Variants in IGF2BP3 observed in about 807,000 individuals in gnomAD.
IGF2BP3 encodes insulin-like growth factor 2 mRNA-binding protein 3.
In IGF2BP3, 9 loss-of-function variants were observed where a neutral mutation model predicts 73.8. That is an observed-to-expected ratio of 0.12 (90% CI 0.07 to 0.21). The LOEUF (loss-of-function observed/expected upper bound fraction) is 0.21, where lower values mean the gene tolerates loss of function less well. Among genes scored for constraint, IGF2BP3 ranks in the 10% least tolerant of loss-of-function variants. The probability of loss-of-function intolerance (pLI) is 1.00; values close to 1 mark genes in which losing one functional copy is unlikely to be tolerated. For missense variants in IGF2BP3, 542 were observed against 714.0 expected, an observed-to-expected ratio of 0.76 and a Z score of 2.75; for synonymous variants, 258 against 256.7, an observed-to-expected ratio of 1.01 and a Z score of -0.05.
chr7:23,447,136 G>C (rs1427177718), intron 2 of IGF2BP3, among the ~76,000 whole-genome samples: 2 of 151,864 alleles, frequency 1.3e-5, no homozygotes, highest in Admixed American at 1.3e-4. Flanking sequence ...GGGAGGCAGA[G>C]GATGCAGTGA....
intron 1 of IGF2BP3, 104 bp from the exon 2 acceptor site, chr7:23,468,646 T>C: frequency 8.5e-7 from 1 of 1,170,984 alleles, no homozygotes; most frequent in Non-Finnish European, 1.3e-6. Context: ...CCTGAGGCCC[T>C]CGAAGGGCCC....
intron 3 of IGF2BP3, among the ~76,000 whole-genome samples, chr7:23,371,670 T>C (rs528802229): frequency 1.3e-5 from 2 of 152,314 alleles, no homozygotes; most frequent in East Asian, 1.9e-4. Flanking sequence ...TTGTAAACCA[T>C]GCTGCATATC....
intron 3 of IGF2BP3, among the ~76,000 whole-genome samples, chr7:23,382,923 A>T (rs1785957833): frequency 6.9e-6 from 1 of 144,310 alleles, no homozygotes; most frequent in African/African-American, 2.5e-5. Context: ...AAAAAAATCA[A>T]TCAGCTAGGT....
chr7:23,373,023 C>G (rs1224631292), intron 3 of IGF2BP3, among the ~76,000 whole-genome samples: 1 of 152,170 alleles, frequency 6.6e-6, no homozygotes, highest in Non-Finnish European at 1.5e-5. Context: ...CCTCATTTCC[C>G]TATGCAATTT....
chr7:23,360,365 A>G (rs1309622560), intron 5 of IGF2BP3, among the ~76,000 whole-genome samples: 1 of 152,196 alleles, frequency 6.6e-6, no homozygotes, highest in African/African-American at 2.4e-5. Context: ...TAACTATAAA[A>G]AATATATTTA....
At chr7:23,454,835 C>A (rs896404283) in intron 2 of IGF2BP3, among the ~76,000 whole-genome samples, 1 of 152,178 alleles carries the variant, frequency 6.6e-6, no homozygotes, top group Non-Finnish European at 1.5e-5. Flanking sequence ...ATGTCTTTAA[C>A]AAAAATCATA....
rs920885144 is a variant in IGF2BP3, at chr7:23,393,732, G to C, written c.285+25044C>G. On this transcript the variant is annotated intron_variant, in intron 3 of 14. Transcript: ENST00000258729. Reference sequence around the variant, plus strand: ...TCTTAAAAGATCATCTAGCCCAAGGGGGGCAATCATGTTCATTTTGCATGC... The same window carrying C: ...TCTTAAAAGATCATCTAGCCCAAGGCGGGCAATCATGTTCATTTTGCATGC... Among the ~76,000 whole-genome samples the C allele has an allele frequency of 3.3e-5, 5 of 152,166 alleles. No individual in the cohort carries two copies. The South Asian group carries it at 8.3e-4, about 25-fold the overall frequency.
intron 2 of IGF2BP3, among the ~76,000 whole-genome samples, chr7:23,436,242 T>A (rs990019928): frequency 6.6e-6 from 1 of 152,196 alleles, no homozygotes; most frequent in African/African-American, 2.4e-5. Flanking sequence ...AGTGAGTTAG[T>A]GTCATGTTTT....
In IGF2BP3 at chr7:23,326,454, T is replaced by G. The variant is rs970417104; in HGVS notation, c.1204-7200A>C. On this transcript the variant is annotated intron_variant, in intron 10 of 14. Coordinates refer to ENST00000258729, the MANE Select transcript of IGF2BP3 (RefSeq NM_006547.3). ...GAGGATGTGGAGAAATAGGAACACT[T>G]TTACACTGTTGGTGGGACTGTAAAC... Among the ~76,000 whole-genome samples, 34 of 151,450 alleles carry G rather than the reference T, an allele frequency of 2.2e-4. 1 individual carries two copies. Among genetic ancestry groups the G allele is most frequent in the African/African-American group, 6.6e-4 (27 of 41,146 alleles).
Position 23,319,204 on chromosome 7 carries a change from A to G in IGF2BP3, c.1254T>C (p.Gly418=), listed in dbSNP as rs1784070954. ...VHLFIPALSV[G]AIIGKQGQHI... is the part of the protein sequence containing the mutation. ...GCTGGCCCTGCTTGCCGATGATGGCACCGACTGATAGAGCTGGGATAAACA... is the reference window on the plus strand; with the variant it reads ...GCTGGCCCTGCTTGCCGATGATGGCGCCGACTGATAGAGCTGGGATAAACA... The change falls in exon 11 of 15, where the codon GGT becomes GGC. Residue 418 remains glycine (G), a synonymous_variant. Coordinates refer to ENST00000258729, the MANE Select transcript of IGF2BP3 (RefSeq NM_006547.3). The G allele has an allele frequency of 6.2e-7, 1 of 1,613,844 alleles. No homozygotes were observed. Among genetic ancestry groups the G allele is most frequent in the African/African-American group, 1.3e-5 (1 of 74,922 alleles).
intron 12 of IGF2BP3, among the ~76,000 whole-genome samples, chr7:23,315,078 T>G (rs1320628514): frequency 3.3e-5 from 5 of 152,010 alleles, no homozygotes; most frequent in Non-Finnish European, 5.9e-5. Context: ...GTTGGGATTA[T>G]GGGCATGAGC....
intron 11 of IGF2BP3, among the ~76,000 whole-genome samples, chr7:23,318,202 G>C (rs1784044026): frequency 6.6e-6 from 1 of 152,074 alleles, no homozygotes; most frequent in African/African-American, 2.4e-5. Flanking sequence ...TGTACCCTAA[G>C]TTTCAAGGAT....
At chr7:23,316,087 C>G (rs1489603785) in intron 12 of IGF2BP3, among the ~76,000 whole-genome samples, 1 of 152,164 alleles carries the variant, frequency 6.6e-6, no homozygotes, top group African/African-American at 2.4e-5. Flanking sequence ...GGATAGGAAG[C>G]AGTTTTCAAC....
At chr7:23,452,210 T>C (rs192791578) in intron 2 of IGF2BP3, among the ~76,000 whole-genome samples, 4 of 151,972 alleles carry the variant, frequency 2.6e-5, no homozygotes, top group Admixed American at 2.6e-4. Context: ...TTCACCGTGT[T>C]AGCCAGGATG....
At chr7:23,329,889 C>A (rs1413731490) in intron 10 of IGF2BP3, among the ~76,000 whole-genome samples, 1 of 152,210 alleles carries the variant, frequency 6.6e-6, no homozygotes, top group East Asian at 1.9e-4. Flanking sequence ...TGAAGTCACA[C>A]ACCACCTGGT....
chr7:23,340,144 G>T (rs1028708703), intron 10 of IGF2BP3, among the ~76,000 whole-genome samples: 4 of 152,098 alleles, frequency 2.6e-5, no homozygotes, highest in African/African-American at 9.7e-5. Flanking sequence ...TGACTCCAGG[G>T]TTCTTTCTAC....
rs141188772 is a variant in IGF2BP3, at chr7:23,389,158, C to CT, written c.286-27418dup. 7.7e-3 allele frequency among the ~76,000 whole-genome samples: 1,125 copies of CT among 145,278 alleles called. 10 individuals are homozygous for CT. The highest frequency in any genetic ancestry group is 0.02 in the African/African-American group (771 of 38,774). ...TCAGAACAAAAGTGAGAATTATTCC[C>CT]TTTTTTTTTTTTTTTTAATTGAGAC... is the stretch of plus-strand genomic sequence containing the variant. On this transcript the variant is annotated intron_variant, in intron 3 of 14. Transcript: ENST00000258729.
At chr7:23,436,678 C>T (rs1787814426) in intron 2 of IGF2BP3, among the ~76,000 whole-genome samples, 1 of 152,134 alleles carries the variant, frequency 6.6e-6, no homozygotes. Flanking sequence ...TGCACATAAC[C>T]TGAGATGATA....
At chr7:23,407,436 C>G (rs966941710) in intron 3 of IGF2BP3, among the ~76,000 whole-genome samples, 3 of 151,574 alleles carry the variant, frequency 2.0e-5, no homozygotes, top group African/African-American at 4.8e-5. Flanking sequence ...TGGAGAAACC[C>G]CATCTCTACT....
Sources: allele counts gnomAD v4.1 joint callset (sites outside exome capture counted in the v4.1 genomes callset), GRCh38; gene constraint gnomAD v4.1.1; transcripts MANE v1.5; gene names NCBI Gene and HGNC (gene_info 2026-07-23, HGNC 2026-07-21).